Variants in SSH2 observed in about 807,000 individuals in gnomAD.
SSH2 encodes the protein protein phosphatase Slingshot homolog 2.
SSH2 carries 37 observed loss-of-function variants against 135.2 expected under a neutral mutation model. That is an observed-to-expected ratio of 0.27 (90% CI 0.21 to 0.36). SSH2 has a LOEUF of 0.36. Among genes scored for constraint, SSH2 ranks in the 10% least tolerant of loss-of-function variants. The probability of loss-of-function intolerance (pLI) is 1.00; values close to 1 mark genes in which losing one functional copy is unlikely to be tolerated. For synonymous variants in SSH2, 628 were observed against 646.2 expected (o/e 0.97, Z 0.43); for missense variants, 1,408 against 1,765.3 (o/e 0.80, Z 3.63).
At chr17:29,689,272 C>T (rs1467912222) in intron 5 of SSH2, among the ~76,000 whole-genome samples, 3 of 152,120 alleles carry the variant, frequency 2.0e-5, no homozygotes, top group South Asian at 2.1e-4. Context: ...AGGTTTATTT[C>T]GTATTCCTCT....
At chr17:29,913,630 CTTTCT>C (rs2066826660) in intron 1 of SSH2, among the ~76,000 whole-genome samples, 1 of 150,574 alleles carries the variant, frequency 6.6e-6, no homozygotes, top group Admixed American at 6.6e-5. Flanking sequence ...TCCTATATTT[CTTTCT>C]TTTTTCTTTT....
chr17:29,908,552 G>T (rs1318508072), intron 1 of SSH2, among the ~76,000 whole-genome samples: 1 of 151,444 alleles, frequency 6.6e-6, no homozygotes, highest in Non-Finnish European at 1.5e-5. Context: ...ATCACTTGAG[G>T]TCAGGAGTTC....
At chr17:29,887,914 C>A (rs1455989443) in intron 1 of SSH2, among the ~76,000 whole-genome samples, 1 of 152,032 alleles carries the variant, frequency 6.6e-6, no homozygotes, top group Non-Finnish European at 1.5e-5. Context: ...ATAGTTTTTG[C>A]AGATTAGTAT....
At chr17:29,760,473 T>C (rs919280741) in intron 3 of SSH2, among the ~76,000 whole-genome samples, 14 of 152,132 alleles carry the variant, frequency 9.2e-5, no homozygotes, top group African/African-American at 3.4e-4. Context: ...CACACACACT[T>C]CTCAGAAACA....
At chr17:29,892,694 A>G (rs532525700) in intron 1 of SSH2, among the ~76,000 whole-genome samples, 1 of 152,242 alleles carries the variant, frequency 6.6e-6, no homozygotes, top group Middle Eastern at 3.4e-3. Flanking sequence ...CTTACTAGGA[A>G]AAGAAGTTCC....
chr17:29,765,603 G>A (rs1406795703), intron 3 of SSH2, among the ~76,000 whole-genome samples: 1 of 152,158 alleles, frequency 6.6e-6, no homozygotes, highest in Admixed American at 6.5e-5. Flanking sequence ...AAGTGGCAAT[G>A]ATGCTGATAT....
intron 2 of SSH2, among the ~76,000 whole-genome samples, chr17:29,837,817 G>T (rs557293868): frequency 6.6e-6 from 1 of 152,280 alleles, no homozygotes; most frequent in Non-Finnish European, 1.5e-5. Context: ...CAAAGAGGAG[G>T]CATGGCCAGG....
At chr17:29,674,013 A>T (rs1457154372) in intron 8 of SSH2, 2 of 450,362 alleles carry the variant, frequency 4.4e-6, no homozygotes, top group Non-Finnish European at 9.0e-6. Context: ...ACAAACTTAG[A>T]GTAAATCCAT....
chr17:29,666,818 C>T, intron 11 of SSH2, 49 bp downstream of exon 11: 2 of 1,566,762 alleles, frequency 1.3e-6, no homozygotes. Flanking sequence ...GCCCATGAGT[C>T]CATATGGGCT....
chr17:29,773,118 T>G (rs2041624090), intron 3 of SSH2, among the ~76,000 whole-genome samples: 1 of 151,856 alleles, frequency 6.6e-6, no homozygotes, highest in African/African-American at 2.4e-5. Context: ...ATCCATCCTA[T>G]TCTGTCTCTC....
intron 2 of SSH2, among the ~76,000 whole-genome samples, chr17:29,822,255 T>C (rs2042666751): frequency 6.6e-6 from 1 of 152,210 alleles, no homozygotes; most frequent in Admixed American, 6.5e-5. Context: ...TTGGCTTCAT[T>C]AAGTTAAGCA....
At chr17:29,792,647 G>GATA (rs1022952710) in intron 3 of SSH2, among the ~76,000 whole-genome samples, 2 of 151,990 alleles carry the variant, frequency 1.3e-5, no homozygotes, top group South Asian at 4.1e-4. Context: ...ACAAACACCT[G>GATA]ATAATAATAA....
At chr17:29,738,796 C>T (rs1366274097) in intron 3 of SSH2, among the ~76,000 whole-genome samples, 3 of 151,952 alleles carry the variant, frequency 2.0e-5, no homozygotes, top group African/African-American at 4.8e-5. Context: ...CCTTGTGATC[C>T]GCCCGCCCCG....
rs190801315 is a variant in SSH2 at position 29,871,294 on chromosome 17, T to C, written c.64-22365A>G. ...TGCCTGCATTTTGCCCATTGGTGGA[T>C]TGTAAGGAAGTCACTGAAGTAGGGC... On this transcript the variant is annotated intron_variant, in intron 1 of 15. Coordinates refer to ENST00000540801, the MANE Select transcript of SSH2 (RefSeq NM_001282129.2). Among the ~76,000 whole-genome samples, 50 of 152,306 alleles carry C rather than the reference T, an allele frequency of 3.3e-4. 5 individuals carry two copies. Among genetic ancestry groups the C allele is most frequent in the Admixed American group, 1.8e-3 (28 of 15,290 alleles).
chr17:29,704,664 T>C (rs1443439930), intron 3 of SSH2, among the ~76,000 whole-genome samples: 2 of 146,368 alleles, frequency 1.4e-5, no homozygotes, highest in East Asian at 2.0e-4. Context: ...GATGGCGCCA[T>C]TGTACTCCAG....
chr17:29,703,915 A>T (rs963223056), intron 3 of SSH2, among the ~76,000 whole-genome samples: 13 of 152,206 alleles, frequency 8.5e-5, no homozygotes, highest in African/African-American at 2.9e-4. Flanking sequence ...ACATGGCAGC[A>T]GTTAAGAGCG....
chr17:29,791,292 G>C (rs1599004998), intron 3 of SSH2, among the ~76,000 whole-genome samples: 1 of 151,920 alleles, frequency 6.6e-6, no homozygotes, highest in Admixed American at 6.6e-5. Context: ...CACCATGTTG[G>C]CCAGGTTGCT....
chr17:29,748,014 G>T (rs1471305721), intron 3 of SSH2, among the ~76,000 whole-genome samples: 1 of 152,166 alleles, frequency 6.6e-6, no homozygotes, highest in Non-Finnish European at 1.5e-5. Flanking sequence ...AAGGCAAATA[G>T]TAGTAGTTTA....
At chr17:29,850,546 C>G (rs1381238798) in intron 1 of SSH2, among the ~76,000 whole-genome samples, 2 of 152,172 alleles carry the variant, frequency 1.3e-5, no homozygotes, top group Non-Finnish European at 2.9e-5. Flanking sequence ...CTGATAACAG[C>G]CTTGCTCCTG....
Sources: gnomAD v4.1 joint callset for allele counts (sites outside exome capture counted in the v4.1 genomes callset) on GRCh38, gnomAD v4.1.1 for gene constraint, MANE v1.5 for transcripts, NCBI Gene and HGNC (gene_info 2026-07-23, HGNC 2026-07-21) for gene names.